Variants in FRMD5 observed in about 807,000 individuals in gnomAD.
FRMD5 encodes FERM domain containing 5.
Under a neutral mutation model 69.0 loss-of-function variants are expected in FRMD5, and 20 were observed. That is an observed-to-expected ratio of 0.29 (90% CI 0.20 to 0.42). The LOEUF is 0.42. Ranked by LOEUF, FRMD5 falls within the 10% of genes least tolerant of loss-of-function variation. FRMD5 has a pLI of 1.00. For synonymous variants in FRMD5, 271 were observed against 260.1 expected, an observed-to-expected ratio of 1.04 and a Z score of -0.40; for missense variants, 595 against 708.6, an observed-to-expected ratio of 0.84 and a Z score of 1.82.
chr15:44,011,756 G>A (rs1385863754), intron 1 of FRMD5, among the ~76,000 whole-genome samples: 1 of 152,160 alleles, frequency 6.6e-6, no homozygotes, highest in African/African-American at 2.4e-5. Context: ...ATCAAAGAAG[G>A]AATCATCAGA....
chr15:43,939,518 T>C (rs2089824965), intron 1 of FRMD5, among the ~76,000 whole-genome samples: 1 of 152,136 alleles, frequency 6.6e-6, no homozygotes, highest in South Asian at 2.1e-4. Flanking sequence ...TGTCTTATAG[T>C]TGTTCTCTGG....
intron 1 of FRMD5, among the ~76,000 whole-genome samples, chr15:43,951,353 C>T (rs142320139): frequency 0.018 from 2,633 of 150,360 alleles, 85 homozygotes; most frequent in African/African-American, 0.062. Context: ...ACCCAGGAGG[C>T]GGCACTTGCA....
At position 43,871,472 on chromosome 15, in the gene FRMD5, G is replaced by A. The variant is rs2088159147; in HGVS notation, c.*2413C>T. ...CTGAGGTAGGAGCACTACACTAAAA[G>A]GTAATCTTCTATGTTGCATAAGACA... On this transcript the variant is annotated 3_prime_UTR_variant, in exon 14 of 14. Transcript: ENST00000417257. 1 of 152,202 alleles carries A rather than the reference G, an allele frequency of 6.6e-6. No individual in the cohort carries two copies. The highest frequency in any genetic ancestry group is 1.5e-5 in the Non-Finnish European group (1 of 68,044). The allele number at this position is 152,202 out of a possible 1,614,324, so 9.4% of individuals were successfully genotyped here.
At chr15:43,964,082 G>A (rs1595566089) in intron 1 of FRMD5, among the ~76,000 whole-genome samples, 1 of 151,720 alleles carries the variant, frequency 6.6e-6, no homozygotes, top group Non-Finnish European at 1.5e-5. Context: ...AATATCACTA[G>A]AAAATAAAAT....
intron 1 of FRMD5, among the ~76,000 whole-genome samples, chr15:43,944,220 C>T (rs2089907667): frequency 6.6e-6 from 1 of 152,212 alleles, no homozygotes; most frequent in South Asian, 2.1e-4. Context: ...TCTATAGAGT[C>T]CTGAAGTGCC....
chr15:43,984,750 G>A (rs143709598), intron 1 of FRMD5, among the ~76,000 whole-genome samples: 77 of 152,164 alleles, frequency 5.1e-4, no homozygotes, highest in African/African-American at 1.7e-3. Flanking sequence ...TTGGGAGGCC[G>A]AGGTGGGTGG....
intron 1 of FRMD5, among the ~76,000 whole-genome samples, chr15:44,018,161 GTATT>G (rs923478288): frequency 2.8e-4 from 43 of 152,276 alleles, no homozygotes; most frequent in African/African-American, 9.9e-4. Context: ...TGGCATCAAA[GTATT>G]TAATATGGTT....
chr15:44,001,879 C>A (rs1047633965), intron 1 of FRMD5, among the ~76,000 whole-genome samples: 8 of 151,960 alleles, frequency 5.3e-5, no homozygotes, highest in Admixed American at 4.6e-4. Context: ...CTAATTAGCA[C>A]CCGGATAATT....
intron 1 of FRMD5, among the ~76,000 whole-genome samples, chr15:44,144,785 C>G (rs747808738): frequency 6.6e-5 from 10 of 152,166 alleles, no homozygotes; most frequent in Non-Finnish European, 1.5e-4. Context: ...AAGGGGGAAA[C>G]TGCAACGGAG....
At chr15:44,048,514 T>C (rs187008841) in intron 1 of FRMD5, among the ~76,000 whole-genome samples, 1 of 152,318 alleles carries the variant, frequency 6.6e-6, no homozygotes, top group Admixed American at 6.5e-5. Context: ...GGGTTGTCTT[T>C]TTACTTTCTT....
intron 1 of FRMD5, among the ~76,000 whole-genome samples, chr15:44,085,335 A>G (rs550262556): frequency 1.3e-5 from 2 of 152,294 alleles, no homozygotes; most frequent in Admixed American, 1.3e-4. Flanking sequence ...TATTTCTGTC[A>G]ATAGGGTAGA....
chr15:44,013,372 T>C (rs924729503), intron 1 of FRMD5, among the ~76,000 whole-genome samples: 1 of 152,198 alleles, frequency 6.6e-6, no homozygotes, highest in African/African-American at 2.4e-5. Flanking sequence ...CCAAAGTTCT[T>C]CAGTAACTTA....
At chr15:44,038,871 A>G (rs1288357531) in intron 1 of FRMD5, among the ~76,000 whole-genome samples, 1 of 152,098 alleles carries the variant, frequency 6.6e-6, no homozygotes, top group Non-Finnish European at 1.5e-5. Flanking sequence ...AGACCATGAA[A>G]TTCCCTCCAG....
intron 13 of FRMD5, among the ~76,000 whole-genome samples, chr15:43,875,601 C>G (rs1041346299): frequency 2.6e-5 from 4 of 151,100 alleles, no homozygotes; most frequent in African/African-American, 9.7e-5. Flanking sequence ...TCTCAGCCTT[C>G]TGAGTAGCTG....
At position 43,873,582 on chromosome 15, in the gene FRMD5, T is replaced by C. The variant is rs1401173282; in HGVS notation, c.*303A>G. The C allele has an allele frequency of 7.0e-7, 1 of 1,421,318 alleles. No individual in the cohort carries two copies. Among genetic ancestry groups the C allele is most frequent in the Non-Finnish European group, 9.2e-7 (1 of 1,088,540 alleles). 88.0% of individuals were successfully genotyped at this position (1,421,318 alleles called of 1,614,324 possible). A position where few individuals can be genotyped will look rare whatever the true frequency, so the allele number is the denominator to read the frequency against. ...TTGATACTTCAAAATAATATACATC[T>C]ATGAAAAATCAAAATTCAAAACCAA... is the stretch of plus-strand genomic sequence containing the variant. On this transcript the variant is annotated 3_prime_UTR_variant, in exon 14 of 14. Coordinates refer to ENST00000417257, the MANE Select transcript of FRMD5 (RefSeq NM_032892.5).
intron 1 of FRMD5, among the ~76,000 whole-genome samples, chr15:44,132,272 G>T (rs2077112448): frequency 1.3e-5 from 2 of 152,186 alleles, no homozygotes; most frequent in Admixed American, 1.3e-4. Flanking sequence ...CTCACCTCTT[G>T]CCGTGTGGCC....
At chr15:43,910,436 G>A (rs1217909808) in intron 4 of FRMD5, among the ~76,000 whole-genome samples, 1 of 152,088 alleles carries the variant, frequency 6.6e-6, no homozygotes, top group African/African-American at 2.4e-5. Context: ...AACTTACCAA[G>A]AGAATCTGTC....
intron 1 of FRMD5, among the ~76,000 whole-genome samples, chr15:44,087,491 T>A (rs1595707733): frequency 1.3e-5 from 2 of 152,262 alleles, no homozygotes; most frequent in East Asian, 1.9e-4. Flanking sequence ...CACATTCTAG[T>A]GCAGTAGTTT....
chr15:43,893,683 C>T (rs905337385), intron 7 of FRMD5, among the ~76,000 whole-genome samples: 2 of 152,150 alleles, frequency 1.3e-5, no homozygotes, highest in African/African-American at 2.4e-5. Flanking sequence ...AGACACCGGG[C>T]GTGAGGCATG....
Sources: gnomAD v4.1 joint callset for allele counts (sites outside exome capture counted in the v4.1 genomes callset) on GRCh38, gnomAD v4.1.1 for gene constraint, MANE v1.5 for transcripts, NCBI Gene and HGNC (gene_info 2026-07-23, HGNC 2026-07-21) for gene names.